Variants in CNGB1 observed in about 807,000 individuals in gnomAD.
The protein encoded by CNGB1 is cyclic nucleotide-gated channel beta-1.
In CNGB1, 126 loss-of-function variants were observed where a neutral mutation model predicts 151.7. The ratio of observed to expected loss-of-function variants is 0.83; its 90% CI spans 0.72 to 0.96. CNGB1 has a LOEUF of 0.96. Ranked by LOEUF, CNGB1 falls within the 40% of genes least tolerant of loss-of-function variation. CNGB1 has a pLI of 0.00. For synonymous variants in CNGB1, 623 were observed against 635.1 expected, an observed-to-expected ratio of 0.98 and a Z score of 0.29; for missense variants, 1,698 against 1,627.0, an observed-to-expected ratio of 1.04 and a Z score of -0.75.
At chr16:57,905,919 G>A (rs762537596) in intron 25 of CNGB1, among the ~76,000 whole-genome samples, 10 of 152,232 alleles carry the variant, frequency 6.6e-5, no homozygotes, top group Non-Finnish European at 1.3e-4. Context: ...CCAGTCTCAT[G>A]TATTTTACTA....
At chr16:57,916,940 G>A (rs1393266191) in intron 21 of CNGB1, among the ~76,000 whole-genome samples, 1 of 152,178 alleles carries the variant, frequency 6.6e-6, no homozygotes. Flanking sequence ...AGGAAACAGA[G>A]GCGATTCAGC....
intron 2 of CNGB1, 101 bp from the exon 3 acceptor site, chr16:57,964,645 G>T: frequency 2.9e-6 from 3 of 1,043,258 alleles, no homozygotes; most frequent in Admixed American, 1.8e-5. Flanking sequence ...CCCCACAAAA[G>T]ACCTGAACGA....
chr16:57,923,257 C>G lies in CNGB1; in HGVS notation c.1643+16G>C, dbSNP rs1482385322. 6.3e-7 allele frequency: 1 copy of G among 1,587,878 alleles called. No homozygotes were observed. On this transcript the variant is annotated intron_variant, in intron 18 of 32. Coordinates refer to ENST00000251102, the MANE Select transcript of CNGB1 (RefSeq NM_001297.5). ...CCGCAGTCTTTCAATTTTCTGAGAC[C>G]CCAGAGGGGTCTCACTCAGTGTCCT... is the stretch of plus-strand genomic sequence containing the variant.
At chr16:57,929,476 GGA>G (rs59227159) in intron 17 of CNGB1, among the ~76,000 whole-genome samples, 4 of 145,748 alleles carry the variant, frequency 2.7e-5, no homozygotes, top group African/African-American at 7.9e-5. Flanking sequence ...AGAGAGAGAG[GGA>G]GAGAGAGAGA....
At chr16:57,949,515 T>C in intron 13 of CNGB1, 76 bp from the exon 14 acceptor site, 1 of 1,604,678 alleles carries the variant, frequency 6.2e-7, no homozygotes, top group Non-Finnish European at 8.5e-7. Context: ...CTCTATTTTC[T>C]GTAGGATGTC....
At chr16:57,964,626 G>T (rs1336351547) in intron 2 of CNGB1, 82 bp from the exon 3 acceptor site, 1 of 1,389,630 alleles carries the variant, frequency 7.2e-7, no homozygotes, top group Non-Finnish European at 1.0e-6. Context: ...CTCCCTCAAG[G>T]GATCCCTGCC....
At chr16:57,904,306 G>A (rs776471776) in intron 26 of CNGB1, among the ~76,000 whole-genome samples, 64 of 152,208 alleles carry the variant, frequency 4.2e-4, no homozygotes, top group Middle Eastern at 3.4e-3. Flanking sequence ...CGGCGGCCAT[G>A]TTGTCTGACT....
Position 57,962,978 on chromosome 16 carries a change from G to T in CNGB1, c.377C>A (p.Ala126Asp). The change falls in exon 5 of 33, where the codon GCT becomes GAT. Residue 126 changes from alanine to aspartate, a missense_variant. Transcript: ENST00000251102. ...AGCCTCCAGCCCCAGCAGTACCTGA[G>T]CCGGGTCCTCCGTGATGCTGTGAAC... is the stretch of plus-strand genomic sequence containing the variant. ...QPVHSITEDP[A>D]QILGHGSTGD... is the part of the protein sequence containing the mutation. 6.2e-7 allele frequency: 1 copy of T among 1,613,308 alleles called. No individual in the cohort carries two copies. Among genetic ancestry groups the T allele is most frequent in the Non-Finnish European group, 8.5e-7 (1 of 1,180,014 alleles).
intron 16 of CNGB1, among the ~76,000 whole-genome samples, chr16:57,934,181 A>G (rs1369006824): frequency 1.3e-5 from 2 of 152,178 alleles, no homozygotes; most frequent in Non-Finnish European, 2.9e-5. Flanking sequence ...GGGGCCAGGC[A>G]CAGTTGCTCA....
In CNGB1 at chr16:57,962,843, T is replaced by C. The variant is rs749051441; in HGVS notation, c.411A>G (p.Thr137=). ...AGCCATCCTGCCCCTTGTTCTTACC[T>C]GTGTCCCCAGTGCTGCCATGCCCCA... ...QILGHGSTGD[T]GCTDEPNEAL... The change falls in exon 6 of 33, where the codon ACA becomes ACG. Residue 137 remains threonine (T), a splice_region_variant and synonymous_variant. Coordinates refer to ENST00000251102, the MANE Select transcript of CNGB1 (RefSeq NM_001297.5). 3 of 1,612,760 alleles carry C rather than the reference T, an allele frequency of 1.9e-6. No homozygotes were observed. The highest frequency in any genetic ancestry group is 1.3e-5 in the African/African-American group (1 of 75,054).
Position 57,971,045 on chromosome 16 carries a change from C to T in CNGB1, c.-9+15G>A, listed in dbSNP as rs975293489. 3 of 152,250 alleles carry T rather than the reference C, an allele frequency of 2.0e-5. No individual in the cohort carries two copies. The highest frequency in any genetic ancestry group is 7.2e-5 in the African/African-American group (3 of 41,472). The allele number at this position is 152,250 out of a possible 1,614,324, so 9.4% of individuals were successfully genotyped here. Reference sequence around the variant, plus strand: ...CCTCGGGGTCCCACCGAGCCTCCACCTCACCCTGAGTTACCTGCTTAGATG... The same window carrying T: ...CCTCGGGGTCCCACCGAGCCTCCACTTCACCCTGAGTTACCTGCTTAGATG... On this transcript the variant is annotated intron_variant, in intron 1 of 32. Coordinates refer to ENST00000251102, the MANE Select transcript of CNGB1 (RefSeq NM_001297.5).
chr16:57,970,830 T>C (rs1222112344), intron 1 of CNGB1, among the ~76,000 whole-genome samples: 2 of 151,838 alleles, frequency 1.3e-5, no homozygotes, highest in East Asian at 3.9e-4. Flanking sequence ...GGAGAGCTAG[T>C]GAAAATATAG....
intron 32 of CNGB1, 78 bp from the exon 33 acceptor site, chr16:57,884,535 C>T: frequency 1.9e-6 from 3 of 1,550,084 alleles, no homozygotes; most frequent in South Asian, 2.3e-5. Flanking sequence ...CCTCCCTGTT[C>T]CAGCCTTTTT....
At chr16:57,923,219 T>C in intron 18 of CNGB1, 54 bp downstream of exon 18, 26 of 923,380 alleles carry the variant, frequency 2.8e-5, no homozygotes, top group Non-Finnish European at 3.7e-5. Flanking sequence ...CCCCCCCACA[T>C]CCCCCACCCT....
intron 12 of CNGB1, among the ~76,000 whole-genome samples, chr16:57,951,050 C>T (rs568108477): frequency 6.6e-6 from 1 of 152,284 alleles, no homozygotes; most frequent in East Asian, 1.9e-4. Context: ...AGAGTCCTTC[C>T]CTCCCTCCTG....
At position 57,911,906 on chromosome 16, in the gene CNGB1, C is replaced by T. The variant is rs781467261; in HGVS notation, c.2370-31G>A. 1.4e-5 allele frequency: 23 copies of T among 1,610,636 alleles called. No individual in the cohort carries two copies. The South Asian group carries it at 1.8e-4, about 12-fold the overall frequency. On this transcript the variant is annotated intron_variant, in intron 24 of 32. Transcript: ENST00000251102. ...GAAGGAACACAGCGCATGAACACAG[C>T]GGCGGAAGGGGGAGGTGAGGTATAG...
rs371152078 is a variant in CNGB1, at chr16:57,957,462, C to A, written c.838-85G>T. ...TTCAGCCACACCTTCTAGCACGTGA[C>A]CTTGACCCACCTCTCCGGGCCTTAG... On this transcript the variant is annotated intron_variant, in intron 11 of 32. Coordinates refer to ENST00000251102, the MANE Select transcript of CNGB1 (RefSeq NM_001297.5). 1.9e-5 allele frequency: 21 copies of A among 1,127,722 alleles called. No individual in the cohort carries two copies. The East Asian group carries it at 1.9e-4, about 10-fold the overall frequency. The allele number at this position is 1,127,722 out of a possible 1,614,324, so 69.9% of individuals were successfully genotyped here.
At chr16:57,917,584 G>A in intron 20 of CNGB1, 108 bp from the exon 21 acceptor site, 2 of 973,740 alleles carry the variant, frequency 2.1e-6, no homozygotes, top group Non-Finnish European at 3.3e-6. Context: ...ACTACATGTG[G>A]CACTTTTGTA....
At chr16:57,903,664 C>T (rs1212756164) in intron 27 of CNGB1, among the ~76,000 whole-genome samples, 158 bp downstream of exon 27, 2 of 152,192 alleles carry the variant, frequency 1.3e-5, no homozygotes, top group African/African-American at 4.8e-5. Context: ...CACTGGGCAC[C>T]TCTCACACCA....
Sources: gnomAD v4.1 joint callset for allele counts (sites outside exome capture counted in the v4.1 genomes callset) on GRCh38, gnomAD v4.1.1 for gene constraint, MANE v1.5 for transcripts, NCBI Gene and HGNC (gene_info 2026-07-23, HGNC 2026-07-21) for gene names.